The following AGBL1 variants were observed in gnomAD, a reference collection of about 807,000 sequenced individuals.
AGBL1 encodes AGBL carboxypeptidase 1, also known as cytosolic carboxypeptidase 4.
AGBL1 carries 130 observed loss-of-function variants against 118.9 expected under a neutral mutation model. The observed-to-expected ratio is 1.09, with a 90% CI of 0.95 to 1.26. The LOEUF (loss-of-function observed/expected upper bound fraction) is 1.26, where lower values mean the gene tolerates loss of function less well. Among genes scored for constraint, AGBL1 ranks in the 50% most tolerant of loss-of-function variants. The probability of loss-of-function intolerance (pLI) is 0.00; values close to 1 mark genes in which losing one functional copy is unlikely to be tolerated. For missense variants in AGBL1, 1,584 were observed against 1,298.1 expected, an observed-to-expected ratio of 1.22 and a Z score of -3.38; for synonymous variants, 555 against 478.9, an observed-to-expected ratio of 1.16 and a Z score of -2.08.
chr15:87,008,965 T>TA (rs2081531437), intron 24 of AGBL1, among the ~76,000 whole-genome samples: 1 of 152,142 alleles, frequency 6.6e-6, no homozygotes, highest in Non-Finnish European at 1.5e-5. Flanking sequence ...AAACAGAGCA[T>TA]AAAAGTTTGG....
intron 21 of AGBL1, among the ~76,000 whole-genome samples, chr15:86,653,267 T>C (rs1047507768): frequency 6.6e-6 from 1 of 152,060 alleles, no homozygotes; most frequent in Non-Finnish European, 1.5e-5. Context: ...ACCAAGTCAA[T>C]AGTCTCATCT....
chr15:86,476,235 A>C (rs1329932451), intron 18 of AGBL1, among the ~76,000 whole-genome samples: 2 of 152,220 alleles, frequency 1.3e-5, no homozygotes, highest in Non-Finnish European at 2.9e-5. Context: ...TAACAATATT[A>C]ACCTTAAATG....
intron 5 of AGBL1, among the ~76,000 whole-genome samples, chr15:86,166,784 T>C (rs922634965): frequency 6.6e-6 from 1 of 152,128 alleles, no homozygotes; most frequent in Non-Finnish European, 1.5e-5. Flanking sequence ...TATGTTGATA[T>C]TGGATGGATC....
chr15:86,541,199 G>T (rs1303707482), intron 19 of AGBL1, among the ~76,000 whole-genome samples: 2 of 152,138 alleles, frequency 1.3e-5, no homozygotes, highest in Non-Finnish European at 2.9e-5. Flanking sequence ...TATTTTATTT[G>T]TTCCTTTAGA....
intron 1 of AGBL1, among the ~76,000 whole-genome samples, chr15:86,137,389 G>C (rs930123584): frequency 2.6e-5 from 4 of 152,260 alleles, no homozygotes; most frequent in South Asian, 2.1e-4. Flanking sequence ...AGAGCACGTG[G>C]AGGTGTAAAA....
At chr15:86,391,777 T>C (rs979606025) in intron 17 of AGBL1, among the ~76,000 whole-genome samples, 1 of 151,566 alleles carries the variant, frequency 6.6e-6, no homozygotes, top group African/African-American at 2.4e-5. Flanking sequence ...TCTCTTGCCT[T>C]CCAAACGGCC....
intron 21 of AGBL1, among the ~76,000 whole-genome samples, chr15:86,644,743 C>T (rs936781952): frequency 7.9e-5 from 12 of 151,476 alleles, no homozygotes; most frequent in African/African-American, 2.2e-4. Flanking sequence ...TGGTGGCTCA[C>T]GCCTGTAATC....
chr15:86,215,340 A>G (rs1567132277), intron 5 of AGBL1, among the ~76,000 whole-genome samples: 2 of 151,936 alleles, frequency 1.3e-5, no homozygotes, highest in Non-Finnish European at 2.9e-5. Context: ...TCTAAACAAC[A>G]TGTTCAATCC....
At chr15:86,211,275 G>T (rs972809752) in intron 5 of AGBL1, among the ~76,000 whole-genome samples, 7 of 152,214 alleles carry the variant, frequency 4.6e-5, no homozygotes, top group African/African-American at 1.4e-4. Context: ...GTGTCTCCCA[G>T]TTAGGCTACA....
At chr15:86,164,479 A>C (rs527479676) in intron 5 of AGBL1, among the ~76,000 whole-genome samples, 1 of 152,276 alleles carries the variant, frequency 6.6e-6, no homozygotes, top group Non-Finnish European at 1.5e-5. Context: ...TCCACGTCTC[A>C]ACACTTTCTG....
chr15:86,801,504 C>A (rs957427439), intron 22 of AGBL1, among the ~76,000 whole-genome samples: 1 of 152,028 alleles, frequency 6.6e-6, no homozygotes, highest in Non-Finnish European at 1.5e-5. Context: ...CATGTTACAT[C>A]ACACTTTATT....
chr15:86,380,058 G>A (rs1444583142), intron 17 of AGBL1, among the ~76,000 whole-genome samples: 4 of 152,168 alleles, frequency 2.6e-5, no homozygotes, highest in Non-Finnish European at 2.9e-5. Context: ...TTTAAACCAA[G>A]GCACTAGAGG....
chr15:86,266,440 C>T lies in AGBL1; in HGVS notation c.1734C>T (p.Phe578=). 1 of 1,568,868 alleles carries T rather than the reference C, an allele frequency of 6.4e-7. No homozygotes were observed. The highest frequency in any genetic ancestry group is 1.2e-5 in the South Asian group (1 of 85,116). ...GTGATGTTATAAATAAAGTTGTCTT[C>T]AGTTTAGATGAGCCTTGGTAGGTAG... is the stretch of plus-strand genomic sequence containing the variant. ...QPSDVINKVV[F]SLDEPWPLQD... Residue 578 remains phenylalanine (F), a synonymous_variant, in exon 12 of 23, where the codon TTC becomes TTT. Coordinates refer to ENST00000614907, the MANE Select transcript of AGBL1 (RefSeq NM_001386094.1).
At chr15:86,563,577 C>T (rs557588963) in intron 21 of AGBL1, among the ~76,000 whole-genome samples, 181 of 89,620 alleles carry the variant, frequency 2.0e-3, no homozygotes, top group Middle Eastern at 9.5e-3. Flanking sequence ...GGACTAAGTA[C>T]GATGTGGTGC....
intron 17 of AGBL1, among the ~76,000 whole-genome samples, chr15:86,314,088 ATT>A (rs2079961333): frequency 6.6e-6 from 1 of 152,226 alleles, no homozygotes; most frequent in Non-Finnish European, 1.5e-5. Flanking sequence ...AATAGGTATC[ATT>A]CCTGCTCTCC....
intron 3 of AGBL1, among the ~76,000 whole-genome samples, chr15:86,153,402 G>C (rs1306676569): frequency 1.3e-5 from 2 of 151,836 alleles, no homozygotes; most frequent in East Asian, 3.9e-4. Context: ...TCAGCAAACT[G>C]TCACAAGGAC....
At chr15:86,554,333 C>T in intron 20 of AGBL1, 28 bp from the exon 21 acceptor site, 8 of 1,522,768 alleles carry the variant, frequency 5.3e-6, no homozygotes, top group Non-Finnish European at 7.1e-6. Context: ...CACAACTAAT[C>T]ATCGTTTGAT....
At chr15:86,662,395 G>A (rs939100108) in intron 21 of AGBL1, among the ~76,000 whole-genome samples, 1 of 152,200 alleles carries the variant, frequency 6.6e-6, no homozygotes, top group Non-Finnish European at 1.5e-5. Flanking sequence ...TTTTTAAGAA[G>A]AGGACATTGA....
At chr15:86,315,501 G>C (rs943559312) in intron 17 of AGBL1, among the ~76,000 whole-genome samples, 2 of 152,058 alleles carry the variant, frequency 1.3e-5, no homozygotes, top group African/African-American at 2.4e-5. Context: ...GGATCACGAG[G>C]TTAGGAGTTG....
Sources: gnomAD v4.1 joint callset for allele counts (sites outside exome capture counted in the v4.1 genomes callset) on GRCh38, gnomAD v4.1.1 for gene constraint, MANE v1.5 for transcripts, NCBI Gene and HGNC (gene_info 2026-07-23, HGNC 2026-07-21) for gene names.